Variants in SEMA6D observed in about 807,000 individuals in gnomAD.
SEMA6D encodes the protein semaphorin-6D.
SEMA6D carries 35 observed loss-of-function variants against 106.6 expected under a neutral mutation model. The observed-to-expected ratio is 0.33, with a 90% confidence interval of 0.25 to 0.44. SEMA6D has a LOEUF of 0.44. SEMA6D is among the 20% of genes least tolerant of loss of function. The probability of loss-of-function intolerance (pLI) is 1.00; values close to 1 mark genes in which losing one functional copy is unlikely to be tolerated. For synonymous variants in SEMA6D, 499 were observed against 487.7 expected (o/e 1.02, Z -0.31); for missense variants, 1,185 against 1,345.9 (o/e 0.88, Z 1.87).
chr15:47,335,389 T>C (rs909190597), intron 1 of SEMA6D, among the ~76,000 whole-genome samples: 7 of 152,032 alleles, frequency 4.6e-5, no homozygotes, highest in Admixed American at 3.9e-4. Flanking sequence ...AAGCAGCCAG[T>C]GTAGTGAACT....
intron 7 of SEMA6D, 29 bp from the exon 8 acceptor site, chr15:47,762,171 T>C (rs1348502940): frequency 1.2e-6 from 2 of 1,613,046 alleles, no homozygotes; most frequent in Non-Finnish European, 1.7e-6. Flanking sequence ...ATTATGGTTA[T>C]CTTACCAAAA....
intron 1 of SEMA6D, among the ~76,000 whole-genome samples, chr15:47,221,206 T>C (rs980477363): frequency 9.9e-5 from 15 of 152,216 alleles, no homozygotes; most frequent in Non-Finnish European, 2.1e-4. Context: ...TAGATTTTCC[T>C]TCCCTGCATT....
chr15:47,292,761 C>T (rs2035644751), intron 1 of SEMA6D, among the ~76,000 whole-genome samples: 1 of 152,098 alleles, frequency 6.6e-6, no homozygotes, highest in Admixed American at 6.6e-5. Flanking sequence ...CATCCCAGGG[C>T]CTGGGTACTG....
At chr15:47,752,855 A>G (rs1266385299) in intron 1 of SEMA6D, among the ~76,000 whole-genome samples, 1 of 151,730 alleles carries the variant, frequency 6.6e-6, no homozygotes, top group African/African-American at 2.4e-5. Flanking sequence ...CTAAAAGTAT[A>G]AAAATTAGCT....
chr15:47,486,419 C>T (rs892713078), intron 3 of SEMA6D, among the ~76,000 whole-genome samples: 1 of 152,192 alleles, frequency 6.6e-6, no homozygotes, highest in Non-Finnish European at 1.5e-5. Context: ...AAAGTTATCT[C>T]CTATTGAGGA....
At chr15:47,547,353 T>A (rs977307995) in intron 3 of SEMA6D, among the ~76,000 whole-genome samples, 1 of 152,158 alleles carries the variant, frequency 6.6e-6, no homozygotes, top group Non-Finnish European at 1.5e-5. Context: ...TGAGGCTTAA[T>A]TAATACTCAC....
At chr15:47,315,093 C>G (rs1470806476) in intron 1 of SEMA6D, among the ~76,000 whole-genome samples, 2 of 151,754 alleles carry the variant, frequency 1.3e-5, no homozygotes, top group Non-Finnish European at 2.9e-5. Context: ...GTCTCGATCT[C>G]CTGACCTCGT....
intron 4 of SEMA6D, among the ~76,000 whole-genome samples, chr15:47,689,947 T>C (rs946571445): frequency 6.6e-6 from 1 of 152,212 alleles, no homozygotes; most frequent in Non-Finnish European, 1.5e-5. Flanking sequence ...AGAGATTTGC[T>C]ACGGGTGGGG....
chr15:47,550,430 G>C (rs1782274137), intron 3 of SEMA6D, among the ~76,000 whole-genome samples: 2 of 152,214 alleles, frequency 1.3e-5, no homozygotes, highest in African/African-American at 4.8e-5. Flanking sequence ...TATGTTATTT[G>C]CTTCTGCTCT....
intron 1 of SEMA6D, chr15:47,395,677 A>G (rs1157703759): frequency 6.6e-6 from 1 of 152,210 alleles, no homozygotes; most frequent in Non-Finnish European, 1.5e-5. Flanking sequence ...CAGGCAAGCT[A>G]TACCAGTGGT....
chr15:47,215,518 A>G (rs2030500411), intron 1 of SEMA6D, among the ~76,000 whole-genome samples: 1 of 152,156 alleles, frequency 6.6e-6, no homozygotes. Context: ...TAGCTCATAT[A>G]TATTTACAAG....
chr15:47,358,729 T>C (rs2038687631), intron 1 of SEMA6D, among the ~76,000 whole-genome samples: 1 of 152,230 alleles, frequency 6.6e-6, no homozygotes, highest in African/African-American at 2.4e-5. Context: ...GATCTGGACA[T>C]CATCAGTGCC....
intron 2 of SEMA6D, among the ~76,000 whole-genome samples, chr15:47,417,413 ATG>A (rs34541759): frequency 0.29 from 42,444 of 146,328 alleles, 6,501 homozygotes; most frequent in Middle Eastern, 0.44. Flanking sequence ...GTGTGTGTAT[ATG>A]TGTGTGTGTG....
At chr15:47,243,157 G>A (rs1435642606) in intron 1 of SEMA6D, among the ~76,000 whole-genome samples, 2 of 152,090 alleles carry the variant, frequency 1.3e-5, no homozygotes, top group Non-Finnish European at 2.9e-5. Flanking sequence ...CAACCAGTGA[G>A]AAATACAATT....
chr15:47,249,813 T>G (rs1019638866), intron 1 of SEMA6D, among the ~76,000 whole-genome samples: 3 of 152,164 alleles, frequency 2.0e-5, no homozygotes, highest in African/African-American at 7.2e-5. Flanking sequence ...TTGAATTTGG[T>G]TAATAAGCCT....
intron 4 of SEMA6D, among the ~76,000 whole-genome samples, chr15:47,671,443 G>A (rs1395141845): frequency 6.6e-6 from 1 of 152,172 alleles, no homozygotes; most frequent in African/African-American, 2.4e-5. Context: ...AGAAACTTAA[G>A]TAGGAAAACA....
intron 1 of SEMA6D, among the ~76,000 whole-genome samples, chr15:47,405,947 C>T (rs2040550948): frequency 6.6e-6 from 1 of 152,134 alleles, no homozygotes; most frequent in African/African-American, 2.4e-5. Flanking sequence ...AGCCACATGC[C>T]CTACAGCGAT....
rs2082733786 is a variant in SEMA6D, at chr15:47,773,862, A to C, written c.*2077A>C. ...CCAATATTAATCCCAGCGTGTGTAAAACAGAACAGTAACTCTATGTGACCC... is the reference window on the plus strand; with the variant it reads ...CCAATATTAATCCCAGCGTGTGTAACACAGAACAGTAACTCTATGTGACCC... On this transcript the variant is annotated 3_prime_UTR_variant, in exon 19 of 19. Coordinates refer to ENST00000536845, the MANE Select transcript of SEMA6D (RefSeq NM_001358351.3). 2 of 152,644 alleles carry C rather than the reference A, an allele frequency of 1.3e-5. No individual in the cohort carries two copies. The highest frequency in any genetic ancestry group is 2.9e-5 in the Non-Finnish European group (2 of 68,034). The allele number at this position is 152,644 out of a possible 1,614,324, so 9.5% of individuals were successfully genotyped here. A position where few individuals can be genotyped will look rare whatever the true frequency, so the allele number is the denominator to read the frequency against.
At chr15:47,286,631 T>G (rs72623945) in intron 1 of SEMA6D, among the ~76,000 whole-genome samples, 3 of 152,112 alleles carry the variant, frequency 2.0e-5, no homozygotes, top group Admixed American at 6.6e-5. Context: ...CAATATGTTG[T>G]GTTATGTGAA....
Sources: allele counts gnomAD v4.1 joint callset (sites outside exome capture counted in the v4.1 genomes callset), GRCh38; gene constraint gnomAD v4.1.1; transcripts MANE v1.5; gene names NCBI Gene and HGNC (gene_info 2026-07-23, HGNC 2026-07-21).